Variants in DHRS2 observed in about 807,000 individuals in gnomAD.
DHRS2 encodes the protein dehydrogenase/reductase SDR family member 2, mitochondrial.
Under a neutral mutation model 26.3 loss-of-function variants are expected in DHRS2, and 29 were observed. The observed-to-expected ratio is 1.10, with a 90% CI of 0.82 to 1.50. The LOEUF (loss-of-function observed/expected upper bound fraction) is 1.50. DHRS2 is among the 40% of genes most tolerant of loss of function. The pLI is 0.00. For synonymous variants in DHRS2, 164 were observed against 151.3 expected (o/e 1.08, Z -0.62); for missense variants, 439 against 367.1 (o/e 1.20, Z -1.60).
chr14:23,644,646 T>A, intron 7 of DHRS2, 103 bp downstream of exon 7: 1 of 1,557,594 alleles, frequency 6.4e-7, no homozygotes, highest in Non-Finnish European at 8.8e-7. Context: ...TCAGCATGCC[T>A]ATGACTGAGG....
upstream of DHRS2, among the ~76,000 whole-genome samples, chr14:23,634,371 T>G (rs1180328709): frequency 6.6e-6 from 1 of 152,086 alleles, no homozygotes; most frequent in African/African-American, 2.4e-5. Flanking sequence ...CTAGCCTGTT[T>G]GCACCTTCTT....
chr14:23,639,221 C>T lies in DHRS2; in HGVS notation c.183C>T (p.Ala61=). ...AIARRLARDG[A]HVVISSRKQQ... Reference sequence around the variant, plus strand: ...CCCGACGTCTGGCCCGGGACGGGGCCCACGTGGTCATCAGCAGCCGGAAGC... The same window carrying T: ...CCCGACGTCTGGCCCGGGACGGGGCTCACGTGGTCATCAGCAGCCGGAAGC... The change falls in exon 3 of 9, where the codon GCC becomes GCT. Residue 61 remains alanine, a synonymous_variant. Coordinates refer to ENST00000250383, the MANE Select transcript of DHRS2 (RefSeq NM_005794.4). 1 of 1,613,892 alleles carries T rather than the reference C, an allele frequency of 6.2e-7. No individual in the cohort carries two copies. The highest frequency in any genetic ancestry group is 2.2e-5 in the East Asian group (1 of 44,884).
At chr14:23,640,511 G>T (rs1890608069) in intron 4 of DHRS2, 1 of 886,834 alleles carries the variant, frequency 1.1e-6, no homozygotes, top group African/African-American at 1.8e-5. Context: ...AGCTCATCTT[G>T]GGCCTAGTTG....
intron 4 of DHRS2, chr14:23,641,757 G>T (rs1890682002): frequency 1.6e-6 from 2 of 1,289,146 alleles, no homozygotes; most frequent in African/African-American, 3.0e-5. Flanking sequence ...TCATCAAATG[G>T]GCCACAGCAA....
chr14:23,631,991 C>G (rs896914618), upstream of DHRS2, among the ~76,000 whole-genome samples: 1 of 152,192 alleles, frequency 6.6e-6, no homozygotes, highest in African/African-American at 2.4e-5. Flanking sequence ...GGTCAGCTTT[C>G]CTGCAAACCA....
chr14:23,641,530 A>G, intron 4 of DHRS2: 2 of 1,157,170 alleles, frequency 1.7e-6, no homozygotes, highest in Non-Finnish European at 2.2e-6. Flanking sequence ...TCCTGAGTCC[A>G]GGAGGGGTCT....
intron 8 of DHRS2, 126 bp downstream of exon 8, chr14:23,645,008 C>T: frequency 6.4e-7 from 1 of 1,555,424 alleles, no homozygotes; most frequent in Admixed American, 1.7e-5. Flanking sequence ...GTCCACATGG[C>T]CCTGGAGGGT....
rs1890284876 is a variant in DHRS2, at chr14:23,636,431, G to A, written c.-380G>A. 1 of 152,024 alleles carries A rather than the reference G, an allele frequency of 6.6e-6. No homozygotes were observed. The highest frequency in any genetic ancestry group is 1.5e-5 in the Non-Finnish European group (1 of 67,990). The allele number at this position is 152,024 out of a possible 1,614,324, so 9.4% of individuals were successfully genotyped here. A position where few individuals can be genotyped will look rare whatever the true frequency, so the allele number is the denominator to read the frequency against. On this transcript the variant is annotated 5_prime_UTR_variant, in exon 1 of 9. Transcript: ENST00000250383. ...TCTTTTGGTCTTCATGATAAATCTT[G>A]CTGCTGCTCACTCGTTGGGTCCGTG...
chr14:23,633,888 T>C (rs1380517366), upstream of DHRS2, among the ~76,000 whole-genome samples: 1 of 152,162 alleles, frequency 6.6e-6, no homozygotes, highest in East Asian at 1.9e-4. Context: ...AAATTTACCA[T>C]GAGCAGGTAA....
chr14:23,642,231 A>G (rs1371664691), intron 4 of DHRS2: 3 of 902,330 alleles, frequency 3.3e-6, no homozygotes, highest in African/African-American at 1.8e-5. Flanking sequence ...AGGCCCTTAC[A>G]GCCTGCATTT....
At chr14:23,634,360 C>A (rs1566695775), upstream of DHRS2, among the ~76,000 whole-genome samples, 1 of 152,100 alleles carries the variant, frequency 6.6e-6, no homozygotes, top group Non-Finnish European at 1.5e-5. Context: ...AGCCACCGTG[C>A]CTAGCCTGTT....
At chr14:23,630,709 T>G (rs1021467852) in intron 1 of DHRS2, among the ~76,000 whole-genome samples, 1 of 152,186 alleles carries the variant, frequency 6.6e-6, no homozygotes, top group Non-Finnish European at 1.5e-5. Context: ...TTTATACATC[T>G]TAGGAGAACA....
chr14:23,644,933 G>A, intron 8 of DHRS2, 51 bp downstream of exon 8: 1 of 1,601,322 alleles, frequency 6.2e-7, no homozygotes, highest in East Asian at 2.2e-5. Flanking sequence ...GGCAGGGGCA[G>A]TTGAGTCTAT....
At chr14:23,639,760 C>A (rs757479817) in intron 3 of DHRS2, 34 bp from the exon 4 acceptor site, 1 of 1,569,028 alleles carries the variant, frequency 6.4e-7, no homozygotes. Flanking sequence ...CCTCCTCAGG[C>A]CATCTCCACA....
rs763025141 is a variant in DHRS2 at position 23,645,201 on chromosome 14, G to A, written c.791G>A (p.Ser264Asn). Reference protein sequence around the residue: ...IVSFLCSPDASYVNGENIAVA... With the variant: ...IVSFLCSPDANYVNGENIAVA... The stretch of plus-strand genomic sequence containing the variant: ...TCCTTCCTGTGCTCTCCAGATGCCA[G>A]CTACGTCAACGGGGAGAACATTGCG... Residue 264 changes from serine (S) to asparagine (N), a missense_variant, in exon 9 of 9, where the codon AGC (serine) becomes AAC (asparagine). Ser to Asn is a conservative substitution (Grantham distance 46). Transcript: ENST00000250383. 1.2e-6 allele frequency: 2 copies of A among 1,614,232 alleles called. No individual in the cohort carries two copies. Among genetic ancestry groups the A allele is most frequent in the South Asian group, 2.2e-5 (2 of 91,086 alleles).
At chr14:23,637,665 T>C (rs2138371171) in intron 1 of DHRS2, among the ~76,000 whole-genome samples, 1 of 152,296 alleles carries the variant, frequency 6.6e-6, no homozygotes, top group Admixed American at 6.5e-5. Context: ...AATCCGATTT[T>C]TCTCGGTCCT....
In DHRS2 at chr14:23,639,338, G is replaced by T. The variant is rs758924656; in HGVS notation, c.300G>T (p.Arg100=). The part of the protein sequence containing the change: ...IVCHVGKAED[R]EQLVAKALEH... Reference sequence around the variant, plus strand: ...GCCACGTGGGGAAGGCTGAGGACCGGGAGCAGCTGGTGGCCAAGGTGAGGG... The same window carrying T: ...GCCACGTGGGGAAGGCTGAGGACCGTGAGCAGCTGGTGGCCAAGGTGAGGG... The change falls in exon 3 of 9, where the codon CGG becomes CGT. Residue 100 remains arginine, a synonymous_variant. Transcript: ENST00000250383. 4 of 1,571,348 alleles carry T rather than the reference G, an allele frequency of 2.5e-6. No individual in the cohort carries two copies. Among genetic ancestry groups the T allele is most frequent in the Non-Finnish European group, 3.4e-6 (4 of 1,159,646 alleles).
chr14:23,639,941 T>C (rs1452740618), intron 4 of DHRS2, 46 bp downstream of exon 4: 1 of 1,462,410 alleles, frequency 6.8e-7, no homozygotes, highest in South Asian at 1.4e-5. Context: ...CGATTCCAGC[T>C]CTGCACTGGG....
chr14:23,638,668 T>C (rs1890466985), intron 1 of DHRS2, 159 bp from the exon 2 acceptor site: 1 of 660,990 alleles, frequency 1.5e-6, no homozygotes. Context: ...TGGATTGCTT[T>C]CCTGACCTGA....
Sources: allele counts gnomAD v4.1 joint callset (sites outside exome capture counted in the v4.1 genomes callset), GRCh38; gene constraint gnomAD v4.1.1; transcripts MANE v1.5; gene names NCBI Gene and HGNC (gene_info 2026-07-23, HGNC 2026-07-21).